The following RFC1 variants were observed in gnomAD, a reference collection of about 807,000 sequenced individuals.
RFC1 encodes replication factor C subunit 1, also known as A1 140 kDa subunit.
Under a neutral mutation model 137.4 loss-of-function variants are expected in RFC1, and 37 were observed. That is an observed-to-expected ratio of 0.27 (90% CI 0.21 to 0.35). RFC1 has a LOEUF of 0.35. Among genes scored for constraint, RFC1 ranks in the 10% least tolerant of loss-of-function variants. The probability of loss-of-function intolerance (pLI) is 1.00; values close to 1 mark genes in which losing one functional copy is unlikely to be tolerated. For synonymous variants in RFC1, 429 were observed against 455.7 expected, an observed-to-expected ratio of 0.94 and a Z score of 0.75; for missense variants, 1,205 against 1,358.5, an observed-to-expected ratio of 0.89 and a Z score of 1.78.
At chr4:39,364,058 C>G (rs1259499695) in intron 1 of RFC1, among the ~76,000 whole-genome samples, 1 of 134,156 alleles carries the variant, frequency 7.5e-6, no homozygotes, top group Non-Finnish European at 1.5e-5. Context: ...CCAGCCTGGG[C>G]AACAGAGCAA....
chr4:39,305,093 G>A (rs1293486964), intron 14 of RFC1, among the ~76,000 whole-genome samples, 165 bp from the exon 15 acceptor site: 1 of 152,172 alleles, frequency 6.6e-6, no homozygotes, highest in Admixed American at 6.5e-5. Flanking sequence ...ACTATAGTAT[G>A]CCTTACAATA....
chr4:39,308,529 T>C, intron 13 of RFC1, 107 bp downstream of exon 13: 1 of 1,441,590 alleles, frequency 6.9e-7, no homozygotes, highest in Non-Finnish European at 9.4e-7. Context: ...TCTTAATAAA[T>C]GCTTGCTGAC....
At chr4:39,358,073 G>A (rs1271021993) in intron 1 of RFC1, among the ~76,000 whole-genome samples, 1 of 151,940 alleles carries the variant, frequency 6.6e-6, no homozygotes, top group Middle Eastern at 3.2e-3. Flanking sequence ...TTGGGAGTTC[G>A]AGACCAGCCT....
intron 19 of RFC1, among the ~76,000 whole-genome samples, chr4:39,301,660 G>A (rs753946322): frequency 3.3e-5 from 5 of 152,092 alleles, no homozygotes; most frequent in African/African-American, 7.2e-5. Context: ...AAAATAAAGC[G>A]TATAGGCCAG....
chr4:39,348,466 AAAGAAAAG>A (rs1336079806), intron 2 of RFC1, among the ~76,000 whole-genome samples: 3 of 128,506 alleles, frequency 2.3e-5, no homozygotes, highest in Non-Finnish European at 5.4e-5. Flanking sequence ...AAAGAAAAGA[AAAGAAAAG>A]AAAAGAAAAA....
chr4:39,357,655 C>T (rs941666575), intron 1 of RFC1, among the ~76,000 whole-genome samples: 3 of 150,900 alleles, frequency 2.0e-5, no homozygotes, highest in Non-Finnish European at 4.4e-5. Flanking sequence ...CTTGCACTGT[C>T]GCCCAGGCTG....
At chr4:39,310,027 AT>A (rs2109636188) in intron 12 of RFC1, among the ~76,000 whole-genome samples, 1 of 152,340 alleles carries the variant, frequency 6.6e-6, no homozygotes, top group Admixed American at 6.5e-5. Flanking sequence ...TCTTAACCAA[AT>A]AATCAAGATT....
At chr4:39,306,501 T>A (rs375946576) in intron 14 of RFC1, 91 bp downstream of exon 14, 1 of 677,114 alleles carries the variant, frequency 1.5e-6, no homozygotes, top group East Asian at 2.7e-5. Flanking sequence ...CACACACACA[T>A]GCACACGCAC....
intron 6 of RFC1, among the ~76,000 whole-genome samples, chr4:39,325,052 T>C (rs980488251): frequency 1.2e-4 from 19 of 152,188 alleles, no homozygotes; most frequent in African/African-American, 4.6e-4. Context: ...TCATCCTCCT[T>C]TTCCTGACCT....
intron 14 of RFC1, among the ~76,000 whole-genome samples, 174 bp from the exon 15 acceptor site, chr4:39,305,102 T>C (rs1287483961): frequency 6.6e-6 from 1 of 152,204 alleles, no homozygotes; most frequent in East Asian, 1.9e-4. Context: ...TGCCTTACAA[T>C]ATTAGAAATT....
chr4:39,326,512 T>C (rs377103500), intron 6 of RFC1, 51 bp downstream of exon 6: 13 of 1,462,082 alleles, frequency 8.9e-6, no homozygotes, highest in Non-Finnish European at 1.2e-5. Flanking sequence ...CTGGACTAAA[T>C]AGCTAGTCAG....
chr4:39,298,731 A>G lies in RFC1; in HGVS notation c.2808+1290T>C, dbSNP rs139831898. 1.5e-3 allele frequency among the ~76,000 whole-genome samples: 226 copies of G among 152,354 alleles called. 1 individual carries two copies. Among genetic ancestry groups the G allele is most frequent in the African/African-American group, 5.3e-3 (219 of 41,584 alleles). ...GGATTCTTAAGGTAAAACACAGCAA[A>G]TGAAACTTTTGATTCACATCTTACA... On this transcript the variant is annotated intron_variant, in intron 21 of 24. Coordinates refer to ENST00000349703, the MANE Select transcript of RFC1 (RefSeq NM_002913.5).
intron 1 of RFC1, among the ~76,000 whole-genome samples, chr4:39,359,375 C>G (rs531091331): frequency 3.9e-5 from 6 of 152,256 alleles, no homozygotes; most frequent in African/African-American, 1.4e-4. Context: ...TGGAATACTA[C>G]TCAATCATAA....
chr4:39,330,594 T>C (rs2109697978), intron 4 of RFC1, among the ~76,000 whole-genome samples: 1 of 152,306 alleles, frequency 6.6e-6, no homozygotes, highest in Admixed American at 6.5e-5. Context: ...ACTTTATCCT[T>C]GATTTGCTCA....
In RFC1 at chr4:39,351,383, TTTC is replaced by T. The variant is rs758351021; in HGVS notation, c.94_96del (p.Glu32del). On this transcript the variant is annotated inframe_deletion, in exon 2 of 25. Coordinates refer to ENST00000349703, the MANE Select transcript of RFC1 (RefSeq NM_002913.5). ...TTTATTCCTTTCTTTGCTTTTAAAGTTTCTTCATCAGACTTTGTTTTCTCATTC... is the reference window on the plus strand; with the variant it reads ...TTTATTCCTTTCTTTGCTTTTAAAGTTTCATCAGACTTTGTTTTCTCATTC... 6.4e-7 allele frequency: 1 copy of T among 1,572,098 alleles called. No individual in the cohort carries two copies. Among genetic ancestry groups the T allele is most frequent in the South Asian group, 1.2e-5 (1 of 83,222 alleles).
chr4:39,301,889 A>G (rs1374771594), intron 19 of RFC1, among the ~76,000 whole-genome samples: 1 of 152,238 alleles, frequency 6.6e-6, no homozygotes, highest in Non-Finnish European at 1.5e-5. Flanking sequence ...GGTAAAATAC[A>G]ACACAGAGGA....
intron 21 of RFC1, chr4:39,297,604 TA>T (rs1211241142): frequency 1.3e-5 from 2 of 152,356 alleles, no homozygotes; most frequent in Non-Finnish European, 2.9e-5. Context: ...TTCTGTTCCA[TA>T]AAAATATGGA....
At chr4:39,307,705 G>C (rs764909857) in intron 13 of RFC1, among the ~76,000 whole-genome samples, 1 of 149,740 alleles carries the variant, frequency 6.7e-6, no homozygotes, top group Non-Finnish European at 1.5e-5. Flanking sequence ...AACAGAGCAA[G>C]ACTCTGTCTC....
chr4:39,294,696 GA>G (rs1035653576), intron 22 of RFC1, among the ~76,000 whole-genome samples: 1 of 148,746 alleles, frequency 6.7e-6, no homozygotes, highest in African/African-American at 2.5e-5. Context: ...GAAAAGAAAA[GA>G]AAAAAAAGAA....
Sources: gnomAD v4.1 joint callset for allele counts (sites outside exome capture counted in the v4.1 genomes callset) on GRCh38, gnomAD v4.1.1 for gene constraint, MANE v1.5 for transcripts, NCBI Gene and HGNC (gene_info 2026-07-23, HGNC 2026-07-21) for gene names.